Variants in LTBP1 observed in about 807,000 individuals in gnomAD.
The protein encoded by LTBP1 is latent-transforming growth factor beta-binding protein 1.
A neutral mutation model predicts 207.6 loss-of-function variants in LTBP1; 129 were observed. That is an observed-to-expected ratio of 0.62 (90% confidence interval 0.54 to 0.72). The LOEUF is 0.72. Ranked by LOEUF, LTBP1 falls within the 30% of genes least tolerant of loss-of-function variation. LTBP1 has a pLI of 0.00. For missense variants in LTBP1, 2,281 were observed against 2,217.2 expected (o/e 1.03, Z -0.58); for synonymous variants, 963 against 833.7 (o/e 1.16, Z -2.67).
intron 19 of LTBP1, chr2:33,285,980 A>C (rs1338080437): frequency 6.6e-6 from 1 of 152,100 alleles, no homozygotes; most frequent in Non-Finnish European, 1.5e-5. Context: ...TTCCTAACAA[A>C]TGTTCAGGCA....
Position 33,280,048 on chromosome 2 carries a change from A to G in LTBP1, c.3002A>G (p.Glu1001Gly). The change falls in exon 19 of 34, where the codon GAA (glutamate) becomes GGA (glycine). Residue 1001 changes from glutamate to glycine, a missense_variant. Glu to Gly is a moderately conservative substitution (Grantham distance 98). This residue lies in a region of LTBP1 where 1,671 missense variants were observed against 1,634.8 expected (regional missense o/e 1.02). Transcript: ENST00000404816. Reference protein sequence around the residue: ...TQRGRCEDIDECLNPSTCPDE... With the variant: ...TQRGRCEDIDGCLNPSTCPDE... ...GTTTTTGATTTTTCAGATATTGATG[A>G]ATGTTTGAATCCAAGCACTTGTCCA... The G allele has an allele frequency of 1.2e-6, 2 of 1,613,896 alleles. No individual in the cohort carries two copies. The highest frequency in any genetic ancestry group is 2.2e-5 in the South Asian group (2 of 90,966).
chr2:33,041,388 G>A (rs905239416), intron 3 of LTBP1, among the ~76,000 whole-genome samples: 3 of 152,114 alleles, frequency 2.0e-5, no homozygotes, highest in Admixed American at 6.5e-5. Flanking sequence ...GGGTTCAAGC[G>A]ATTCTTCTGC....
intron 3 of LTBP1, among the ~76,000 whole-genome samples, chr2:33,096,280 A>T (rs1254249958): frequency 6.6e-6 from 1 of 152,144 alleles, no homozygotes; most frequent in Non-Finnish European, 1.5e-5. Flanking sequence ...ATCCAAAGAA[A>T]AATCCTCCAA....
chr2:33,212,962 T>C (rs919802959), intron 7 of LTBP1, among the ~76,000 whole-genome samples: 6 of 152,346 alleles, frequency 3.9e-5, no homozygotes, highest in African/African-American at 1.4e-4. Context: ...TGGACCTTCA[T>C]CGTGCAACAG....
chr2:33,273,005 A>G (rs114495391), intron 15 of LTBP1, among the ~76,000 whole-genome samples: 3,718 of 152,298 alleles, frequency 0.024, 74 homozygotes, highest in Non-Finnish European at 0.038. Flanking sequence ...CACAGGGCTC[A>G]GTAAGGGAGT....
At chr2:33,194,756 A>G (rs2088345803) in intron 7 of LTBP1, among the ~76,000 whole-genome samples, 1 of 152,246 alleles carries the variant, frequency 6.6e-6, no homozygotes, top group African/African-American at 2.4e-5. Flanking sequence ...AAAGGTGGCT[A>G]CACTAAGCAG....
intron 7 of LTBP1, among the ~76,000 whole-genome samples, chr2:33,208,609 G>A (rs1398726130): frequency 1.3e-5 from 2 of 152,138 alleles, no homozygotes; most frequent in Non-Finnish European, 2.9e-5. Flanking sequence ...TGGCAGGCAG[G>A]GGGCACCTGA....
At chr2:33,348,754 A>G (rs1227249594) in intron 26 of LTBP1, among the ~76,000 whole-genome samples, 1 of 152,242 alleles carries the variant, frequency 6.6e-6, no homozygotes, top group African/African-American at 2.4e-5. Flanking sequence ...TATGTGATAC[A>G]ATGTTAAGTG....
At chr2:33,344,463 C>A (rs1292058000) in intron 25 of LTBP1, among the ~76,000 whole-genome samples, 2 of 152,182 alleles carry the variant, frequency 1.3e-5, no homozygotes, top group African/African-American at 4.8e-5. Context: ...TTGCCCATGT[C>A]ACTGTGCAAT....
At chr2:33,159,395 T>G (rs1249596632) in intron 5 of LTBP1, among the ~76,000 whole-genome samples, 3 of 152,250 alleles carry the variant, frequency 2.0e-5, no homozygotes, top group African/African-American at 7.2e-5. Context: ...AGCTGTCACC[T>G]CTTACACTTC....
intron 3 of LTBP1, among the ~76,000 whole-genome samples, chr2:33,087,191 C>T (rs1340589494): frequency 6.7e-6 from 1 of 149,420 alleles, no homozygotes; most frequent in East Asian, 2.0e-4. Flanking sequence ...CTTCCCACCT[C>T]AGCCTCACGA....
intron 17 of LTBP1, among the ~76,000 whole-genome samples, chr2:33,275,451 G>A (rs555009377): frequency 1.3e-3 from 194 of 152,246 alleles, no homozygotes; most frequent in African/African-American, 4.0e-3. Context: ...TTGGGAGGCC[G>A]AGCCTGGCGG....
chr2:33,093,495 T>C (rs563699829), intron 3 of LTBP1, among the ~76,000 whole-genome samples: 1 of 152,234 alleles, frequency 6.6e-6, no homozygotes, highest in South Asian at 2.1e-4. Flanking sequence ...GCAACTAGGA[T>C]ACGCCTGCTC....
intron 9 of LTBP1, among the ~76,000 whole-genome samples, chr2:33,239,901 C>A (rs377586424): frequency 9.4e-6 from 1 of 106,204 alleles, no homozygotes; most frequent in Non-Finnish European, 2.1e-5. Context: ...AAGACTCCAT[C>A]TTAAATAAAT....
intron 3 of LTBP1, among the ~76,000 whole-genome samples, chr2:33,103,404 T>C (rs1477367767): frequency 6.6e-6 from 1 of 152,242 alleles, no homozygotes; most frequent in Non-Finnish European, 1.5e-5. Flanking sequence ...GTATGCATTG[T>C]CTGTATGCAT....
At chr2:33,227,891 G>A (rs1296574894) in intron 9 of LTBP1, among the ~76,000 whole-genome samples, 1 of 133,942 alleles carries the variant, frequency 7.5e-6, no homozygotes, top group African/African-American at 2.8e-5. Context: ...TGCAGCCTCT[G>A]CCTCCCAGAT....
At chr2:32,995,531 C>G (rs1685126805) in intron 2 of LTBP1, among the ~76,000 whole-genome samples, 1 of 152,134 alleles carries the variant, frequency 6.6e-6, no homozygotes, top group African/African-American at 2.4e-5. Flanking sequence ...CCTGTAATCC[C>G]AAGACTTTGG....
At chr2:33,088,720 A>G (rs1191110179) in intron 3 of LTBP1, among the ~76,000 whole-genome samples, 1 of 152,256 alleles carries the variant, frequency 6.6e-6, no homozygotes, top group East Asian at 1.9e-4. Flanking sequence ...GGTAGCAAGA[A>G]ATGAATGTAG....
intron 3 of LTBP1, among the ~76,000 whole-genome samples, chr2:33,105,674 C>G (rs2080027023): frequency 6.6e-6 from 1 of 152,120 alleles, no homozygotes; most frequent in African/African-American, 2.4e-5. Context: ...CTCAGGTGAT[C>G]CACCCGCTTC....
Sources: allele counts gnomAD v4.1 joint callset (sites outside exome capture counted in the v4.1 genomes callset), GRCh38; gene constraint gnomAD v4.1.1; regional missense constraint gnomAD v4.1.1; transcripts MANE v1.5; gene names NCBI Gene and HGNC (gene_info 2026-07-23, HGNC 2026-07-21).